Variants in GPHN observed in about 807,000 individuals in gnomAD.
GPHN encodes the protein gephyrin.
Under a neutral mutation model 95.5 loss-of-function variants are expected in GPHN, and 17 were observed. That is an observed-to-expected ratio of 0.18 (90% CI 0.12 to 0.27). The LOEUF is 0.27. Among genes scored for constraint, GPHN ranks in the 10% least tolerant of loss-of-function variants. The probability of loss-of-function intolerance (pLI) is 1.00; values close to 1 mark genes in which losing one functional copy is unlikely to be tolerated. For synonymous variants in GPHN, 320 were observed against 322.5 expected, an observed-to-expected ratio of 0.99 and a Z score of 0.08; for missense variants, 660 against 978.1, an observed-to-expected ratio of 0.67 and a Z score of 4.34.
chr14:66,807,386 T>G (rs1391516349), intron 3 of GPHN, among the ~76,000 whole-genome samples: 1 of 152,140 alleles, frequency 6.6e-6, no homozygotes, highest in Non-Finnish European at 1.5e-5. Context: ...GTGAGAAAAA[T>G]GAGACACAGT....
the GPHN span, among the ~76,000 whole-genome samples, chr14:67,517,929 G>C: frequency 6.6e-6 from 1 of 152,138 alleles, no homozygotes; most frequent in African/African-American, 2.4e-5. Flanking sequence ...TAAGATCAGG[G>C]GTGCACAGGG....
the GPHN span, chr14:67,722,826 C>T: frequency 3.4e-6 from 3 of 877,024 alleles, no homozygotes; most frequent in Non-Finnish European, 3.9e-6. Flanking sequence ...AAAGTCAGGG[C>T]AGGAAAAGCA....
At chr14:67,628,020 CA>C in the GPHN span, among the ~76,000 whole-genome samples, 1 of 152,218 alleles carries the variant, frequency 6.6e-6, no homozygotes, top group Non-Finnish European at 1.5e-5. Context: ...TAGCAAAGAC[CA>C]AACCTGCTTT....
intron 4 of GPHN, among the ~76,000 whole-genome samples, chr14:66,858,747 C>T (rs929870325): frequency 6.6e-5 from 10 of 151,964 alleles, no homozygotes. Flanking sequence ...ATTTCTGAAC[C>T]TGCCCTGGGC....
chr14:67,038,201 TCAC>T (rs1336570702), intron 10 of GPHN, among the ~76,000 whole-genome samples: 1 of 152,014 alleles, frequency 6.6e-6, no homozygotes, highest in Non-Finnish European at 1.5e-5. Context: ...AATAAACTAA[TCAC>T]CAAAAACTAA....
the GPHN span, among the ~76,000 whole-genome samples, chr14:67,508,445 A>G: frequency 0.19 from 28,865 of 152,030 alleles, 3,028 homozygotes; most frequent in African/African-American, 0.25. Flanking sequence ...GCCCAGAGTC[A>G]CTGAGCTGTG....
At chr14:67,684,941 G>A in the GPHN span, 2 of 1,226,016 alleles carry the variant, frequency 1.6e-6, no homozygotes, top group East Asian at 2.4e-5. Flanking sequence ...TTTAAAAAAG[G>A]GTATACCCAG....
intron 2 of GPHN, among the ~76,000 whole-genome samples, chr14:66,757,271 C>T (rs761296862): frequency 6.6e-6 from 1 of 151,870 alleles, no homozygotes; most frequent in South Asian, 2.1e-4. Flanking sequence ...TATATGTAAA[C>T]CTTAATTGCT....
intron 18 of GPHN, among the ~76,000 whole-genome samples, chr14:67,143,765 G>A (rs1363716580): frequency 6.6e-6 from 1 of 151,924 alleles, no homozygotes; most frequent in Non-Finnish European, 1.5e-5. Context: ...TACCACCAGG[G>A]TAAAACTCTA....
intron 5 of GPHN, among the ~76,000 whole-genome samples, chr14:66,894,626 A>C (rs1422004099): frequency 1.3e-5 from 2 of 152,240 alleles, no homozygotes; most frequent in Non-Finnish European, 2.9e-5. Context: ...ACAAAGGGCT[A>C]ATATCCAGAA....
At chr14:67,339,575 C>T in the GPHN span, among the ~76,000 whole-genome samples, 37 of 152,214 alleles carry the variant, frequency 2.4e-4, 1 homozygote, top group Non-Finnish European at 4.7e-4. Context: ...GTATTTATAC[C>T]TGTTGACTCT....
intron 9 of GPHN, among the ~76,000 whole-genome samples, chr14:66,994,731 T>G (rs2071669296): frequency 6.6e-6 from 1 of 152,204 alleles, no homozygotes; most frequent in South Asian, 2.1e-4. Flanking sequence ...GAACTAGCAT[T>G]TTGCTAAAGA....
chr14:66,789,885 A>G (rs2059912154), intron 3 of GPHN, among the ~76,000 whole-genome samples: 1 of 152,192 alleles, frequency 6.6e-6, no homozygotes, highest in South Asian at 2.1e-4. Flanking sequence ...TTTCCTACCC[A>G]GTTGTTACAC....
chr14:67,293,957 G>C, the GPHN span, among the ~76,000 whole-genome samples: 1 of 152,026 alleles, frequency 6.6e-6, no homozygotes, highest in East Asian at 1.9e-4. Context: ...ACAATAGAAA[G>C]GTGGAAAGAA....
At chr14:67,518,000 CT>C in the GPHN span, among the ~76,000 whole-genome samples, 818 of 152,300 alleles carry the variant, frequency 5.4e-3, 2 homozygotes, top group Non-Finnish European at 7.7e-3. Flanking sequence ...AGGGGCCCCC[CT>C]GGCTTTTCAC....
chr14:67,674,556 G>T, the GPHN span: 1 of 1,417,368 alleles, frequency 7.1e-7, no homozygotes. Flanking sequence ...TAGCCCGGCG[G>T]TCAGCCGCCC....
At chr14:67,465,643 G>T in the GPHN span, among the ~76,000 whole-genome samples, 1 of 152,208 alleles carries the variant, frequency 6.6e-6, no homozygotes, top group Admixed American at 6.5e-5. Context: ...GGTACAAAAT[G>T]CAAGGGCTTC....
chr14:67,168,591 A>G (rs576404905), intron 20 of GPHN, among the ~76,000 whole-genome samples: 2 of 152,344 alleles, frequency 1.3e-5, no homozygotes, highest in South Asian at 4.1e-4. Flanking sequence ...ATAGATATAT[A>G]AAACTTGTAA....
chr14:67,309,675 A>T, the GPHN span, among the ~76,000 whole-genome samples: 1 of 152,130 alleles, frequency 6.6e-6, no homozygotes, highest in East Asian at 1.9e-4. Flanking sequence ...TTCCCTCCTC[A>T]CGGGTCTTAA....
Sources: allele counts gnomAD v4.1 joint callset (sites outside exome capture counted in the v4.1 genomes callset), GRCh38; gene constraint gnomAD v4.1.1; transcripts MANE v1.5; gene names NCBI Gene and HGNC (gene_info 2026-07-23, HGNC 2026-07-21).